The following TEX15 variants were observed in gnomAD, a reference collection of about 807,000 sequenced individuals.
TEX15 encodes testis-expressed protein 15.
TEX15 carries 171 observed loss-of-function variants against 237.3 expected under a neutral mutation model. That is an observed-to-expected ratio of 0.72 (90% CI 0.64 to 0.82). The LOEUF is 0.82. Ranked by LOEUF, TEX15 falls within the 40% of genes least tolerant of loss-of-function variation. The pLI, the probability that TEX15 is intolerant of heterozygous loss-of-function variation, is 0.00. For missense variants in TEX15, 3,750 were observed against 3,646.5 expected (o/e 1.03, Z -0.73); for synonymous variants, 1,338 against 1,269.8 (o/e 1.05, Z -1.14).
rs1585274450 is a variant in TEX15 at position 30,832,337 on chromosome 8, T to C, written c.*949A>G. The stretch of plus-strand genomic sequence containing the variant: ...AGGGCTAACCCTTGAGAAAGGTCTA[T>C]CCAGTTGTGAGGGCTCTGTCTGACT... On this transcript the variant is annotated 3_prime_UTR_variant, in exon 11 of 11. Coordinates refer to ENST00000643185, the MANE Select transcript of TEX15 (RefSeq NM_001350162.2). 6.6e-6 allele frequency: 1 copy of C among 152,310 alleles called. No individual in the cohort carries two copies. Among genetic ancestry groups the C allele is most frequent in the Middle Eastern group, 3.4e-3 (1 of 294 alleles). The allele number at this position is 152,310 out of a possible 1,614,324, so 9.4% of individuals were successfully genotyped here. A position where few individuals can be genotyped will look rare whatever the true frequency, so the allele number is the denominator to read the frequency against.
chr8:30,851,940 A>G (rs1036924691), intron 7 of TEX15, among the ~76,000 whole-genome samples: 2 of 152,084 alleles, frequency 1.3e-5, no homozygotes, highest in Non-Finnish European at 2.9e-5. Context: ...TCTCAAAACA[A>G]ACAAGCAAAA....
intron 7 of TEX15, among the ~76,000 whole-genome samples, chr8:30,856,935 T>C (rs971358837): frequency 1.3e-5 from 2 of 152,124 alleles, no homozygotes; most frequent in Admixed American, 6.5e-5. Context: ...ATTCTAAAAT[T>C]TCTATGACAG....
At chr8:30,897,361 G>A (rs1808926662) in intron 2 of TEX15, among the ~76,000 whole-genome samples, 1 of 152,150 alleles carries the variant, frequency 6.6e-6, no homozygotes, top group Non-Finnish European at 1.5e-5. Context: ...ATTGTACACT[G>A]TATGCAAGCC....
intron 2 of TEX15, among the ~76,000 whole-genome samples, chr8:30,892,736 T>C (rs1808819964): frequency 6.6e-6 from 1 of 152,172 alleles, no homozygotes; most frequent in African/African-American, 2.4e-5. Flanking sequence ...CACTACTATG[T>C]TTAAAATGAT....
At chr8:30,881,787 A>G (rs531921548) in intron 3 of TEX15, among the ~76,000 whole-genome samples, 3 of 151,930 alleles carry the variant, frequency 2.0e-5, no homozygotes, top group Admixed American at 6.6e-5. Flanking sequence ...ATGCCTGGCT[A>G]ATTTTTTGTA....
At chr8:30,840,369 T>C (rs1807423678) in intron 8 of TEX15, among the ~76,000 whole-genome samples, 1 of 152,140 alleles carries the variant, frequency 6.6e-6, no homozygotes, top group Non-Finnish European at 1.5e-5. Context: ...CTGATATTTG[T>C]ATTTTTAGTA....
chr8:30,867,184 A>C, intron 5 of TEX15, 81 bp downstream of exon 5: 1 of 543,674 alleles, frequency 1.8e-6, no homozygotes, highest in Non-Finnish European at 3.1e-6. Context: ...AACATTAACA[A>C]TTTATATCGA....
At chr8:30,890,230 T>G (rs1356464823) in intron 2 of TEX15, among the ~76,000 whole-genome samples, 1 of 151,752 alleles carries the variant, frequency 6.6e-6, no homozygotes, top group Non-Finnish European at 1.5e-5. Context: ...CATCTATTTA[T>G]ATAGGTTTTA....
In TEX15 at chr8:30,842,873, G is replaced by A. The variant is rs1448101917; in HGVS notation, c.7294C>T (p.His2432Tyr). 1.2e-6 allele frequency: 2 copies of A among 1,611,270 alleles called. No individual in the cohort carries two copies. The highest frequency in any genetic ancestry group is 1.7e-6 in the Non-Finnish European group (2 of 1,178,376). Reference sequence around the variant, plus strand: ...TCAGGCTTTAAAATGATAGCCTCATGGCTGTGGTTTATCACCACGTCTAAA... The same window carrying A: ...TCAGGCTTTAAAATGATAGCCTCATAGCTGTGGTTTATCACCACGTCTAAA... ...NVLDVVINHS[H>Y]EAIILKPEAI... Residue 2432 changes from histidine (H) to tyrosine (Y), a missense_variant, in exon 8 of 11, where the codon CAT becomes TAT. By Grantham distance (83) the His-to-Tyr change is moderately conservative. Coordinates refer to ENST00000643185, the MANE Select transcript of TEX15 (RefSeq NM_001350162.2).
In TEX15 at chr8:30,839,965, C is replaced by T; in HGVS notation, c.8164-1G>A. 6.3e-7 allele frequency: 1 copy of T among 1,586,062 alleles called. No individual in the cohort carries two copies. Among genetic ancestry groups the T allele is most frequent in the South Asian group, 1.2e-5 (1 of 85,310 alleles). The stretch of plus-strand genomic sequence containing the variant: ...TTTTTGTGACATCTTTCATGTCTAC[C>T]TGTGTTTAAAAGATACAAAGAAAAT... On this transcript the variant is annotated splice_acceptor_variant, in intron 8 of 10. Transcript: ENST00000643185. LOFTEE classifies it high-confidence loss of function.
chr8:30,840,083 C>T (rs1418007692), intron 8 of TEX15, 119 bp from the exon 9 acceptor site: 3 of 529,348 alleles, frequency 5.7e-6, no homozygotes, highest in Non-Finnish European at 9.2e-6. Context: ...TAAAGTTAAA[C>T]TAATTAATTA....
chr8:30,912,601 C>A (rs542934514), intron 1 of TEX15, among the ~76,000 whole-genome samples: 1 of 152,222 alleles, frequency 6.6e-6, no homozygotes, highest in African/African-American at 2.4e-5. Flanking sequence ...AGCGCGGGAA[C>A]CCGCGCATCT....
chr8:30,852,765 G>T (rs2128769191), intron 7 of TEX15, among the ~76,000 whole-genome samples: 2 of 152,086 alleles, frequency 1.3e-5, no homozygotes, highest in East Asian at 3.9e-4. Context: ...ATGCAATACG[G>T]AAACTAATAA....
chr8:30,905,963 T>G (rs1809095796), intron 1 of TEX15, among the ~76,000 whole-genome samples: 2 of 151,988 alleles, frequency 1.3e-5, no homozygotes, highest in Non-Finnish European at 2.9e-5. Flanking sequence ...CCTTACTGAC[T>G]GCAACGCTAG....
chr8:30,888,815 C>A (rs2128776412), intron 2 of TEX15: 1 of 365,844 alleles, frequency 2.7e-6, no homozygotes, highest in Non-Finnish European at 5.1e-6. Context: ...GAAAGGTGAT[C>A]TTGCAATCAC....
intron 2 of TEX15, among the ~76,000 whole-genome samples, chr8:30,897,057 C>T (rs946450591): frequency 6.6e-6 from 1 of 152,154 alleles, no homozygotes; most frequent in East Asian, 1.9e-4. Flanking sequence ...CCTTTCACTT[C>T]CCTTCCAAAT....
intron 4 of TEX15, among the ~76,000 whole-genome samples, chr8:30,870,938 A>G (rs907399255): frequency 5.3e-5 from 8 of 152,052 alleles, no homozygotes; most frequent in Non-Finnish European, 1.2e-4. Context: ...TCTCTTTCCA[A>G]GTTGGCAGAA....
chr8:30,837,166 G>T lies in TEX15; in HGVS notation c.9118C>A (p.Pro3040Thr). 6.2e-7 allele frequency: 1 copy of T among 1,614,088 alleles called. No individual in the cohort carries two copies. The highest frequency in any genetic ancestry group is 8.5e-7 in the Non-Finnish European group (1 of 1,179,986). The change falls in exon 10 of 11, where the codon CCA (proline) becomes ACA (threonine). Residue 3040 changes from proline to threonine, a missense_variant. Transcript: ENST00000643185. ...SSEHLFGTSYPYSAWCVYQYS... is the reference protein window; with the variant it reads ...SSEHLFGTSYTYSAWCVYQYS... ...TGATAAACACACCAAGCAGAGTATG[G>T]ATATGAAGTTCCAAATAAATGCTCA...
At chr8:30,835,395 A>C (rs1807269221) in intron 10 of TEX15, among the ~76,000 whole-genome samples, 2 of 152,060 alleles carry the variant, frequency 1.3e-5, no homozygotes, top group South Asian at 2.1e-4. Flanking sequence ...AAAAATAATA[A>C]AAATAAAAAT....
Sources: allele counts gnomAD v4.1 joint callset (sites outside exome capture counted in the v4.1 genomes callset), GRCh38; gene constraint gnomAD v4.1.1; transcripts MANE v1.5; gene names NCBI Gene and HGNC (gene_info 2026-07-23, HGNC 2026-07-21).